HYAL4: variants seen among roughly 807,000 people sequenced by gnomAD.
The protein encoded by HYAL4 is hyaluronidase-4.
HYAL4 carries 37 observed loss-of-function variants against 35.2 expected under a neutral mutation model. The ratio of observed to expected loss-of-function variants is 1.05; its 90% CI spans 0.81 to 1.38. The LOEUF is 1.38. HYAL4 is among the 40% of genes most tolerant of loss of function. HYAL4 has a pLI of 0.00. For missense variants in HYAL4, 572 were observed against 572.4 expected, an observed-to-expected ratio of 1.00 and a Z score of 0.01; for synonymous variants, 198 against 203.2, an observed-to-expected ratio of 0.97 and a Z score of 0.22.
At chr7:123,874,528 G>T (rs186424325) in intron 3 of HYAL4, among the ~76,000 whole-genome samples, 2 of 151,988 alleles carry the variant, frequency 1.3e-5, no homozygotes, top group Non-Finnish European at 2.9e-5. Context: ...CTCAGCCTCC[G>T]AGTAGCTGGG....
chr7:123,774,173 C>T, the HYAL4 span, among the ~76,000 whole-genome samples: 217 of 152,222 alleles, frequency 1.4e-3, no homozygotes, highest in Non-Finnish European at 1.2e-3. Flanking sequence ...TTAGCTGAGA[C>T]TATAGGTATA....
chr7:123,807,383 A>G, the HYAL4 span, among the ~76,000 whole-genome samples: 1 of 150,832 alleles, frequency 6.6e-6, no homozygotes, highest in Non-Finnish European at 1.5e-5. Flanking sequence ...TAGAGTTCAA[A>G]CTTCCTTTTA....
chr7:123,796,067 A>G, the HYAL4 span, among the ~76,000 whole-genome samples: 496 of 152,376 alleles, frequency 3.3e-3, 3 homozygotes, highest in African/African-American at 0.012. Context: ...TTTGCAAACT[A>G]TATTGCAGGG....
At chr7:123,834,961 A>G (rs976623292) in intron 1 of HYAL4, among the ~76,000 whole-genome samples, 1 of 151,932 alleles carries the variant, frequency 6.6e-6, no homozygotes, top group African/African-American at 2.4e-5. Context: ...TCTTTTTGGT[A>G]TGTTGTTGGG....
At chr7:123,805,170 G>A in the HYAL4 span, among the ~76,000 whole-genome samples, 8 of 152,240 alleles carry the variant, frequency 5.3e-5, no homozygotes, top group East Asian at 5.8e-4. Flanking sequence ...AAGGCCTTGC[G>A]GAAGTTTTGA....
At chr7:123,829,606 G>A (rs10281735) in intron 1 of HYAL4, among the ~76,000 whole-genome samples, 17,224 of 152,082 alleles carry the variant, frequency 0.11, 1,110 homozygotes, top group Non-Finnish European at 0.14. Context: ...AATACTTGTG[G>A]GAAAATGAAC....
chr7:123,766,008 A>T, the HYAL4 span, among the ~76,000 whole-genome samples: 9 of 152,108 alleles, frequency 5.9e-5, no homozygotes, highest in African/African-American at 2.2e-4. Context: ...GCCTAACTTC[A>T]TATCTTTCTC....
At chr7:123,840,296 T>C (rs1391998634), upstream of HYAL4, among the ~76,000 whole-genome samples, 2 of 152,200 alleles carry the variant, frequency 1.3e-5, no homozygotes, top group Non-Finnish European at 2.9e-5. Context: ...CAGATGGGTA[T>C]AGATGTGTGG....
chr7:123,833,485 T>C (rs1313633015), intron 1 of HYAL4, among the ~76,000 whole-genome samples: 1 of 152,230 alleles, frequency 6.6e-6, no homozygotes, highest in Non-Finnish European at 1.5e-5. Flanking sequence ...ATTAGTCCTT[T>C]GTCTGATGTA....
chr7:123,818,959 C>G, the HYAL4 span, among the ~76,000 whole-genome samples: 3 of 152,160 alleles, frequency 2.0e-5, no homozygotes, highest in Non-Finnish European at 4.4e-5. Flanking sequence ...TATCCACTCT[C>G]TCAGCATTTT....
chr7:123,778,159 G>GTCTATCTATCTA, the HYAL4 span, among the ~76,000 whole-genome samples: 2,767 of 120,778 alleles, frequency 0.023, 30 homozygotes, highest in Admixed American at 0.024. Flanking sequence ...CTGTCTGTCT[G>GTCTATCTATCTA]TCTATCTATC....
the HYAL4 span, among the ~76,000 whole-genome samples, chr7:123,812,073 C>A: frequency 6.6e-6 from 1 of 152,114 alleles, no homozygotes; most frequent in African/African-American, 2.4e-5. Context: ...AACTCCTGAC[C>A]TCGTGATCTG....
the HYAL4 span, among the ~76,000 whole-genome samples, chr7:123,770,440 T>TAAAA: frequency 1.7e-5 from 2 of 118,506 alleles, no homozygotes; most frequent in African/African-American, 6.2e-5. Context: ...AGACTCCATC[T>TAAAA]AAAAAAAAAA....
the HYAL4 span, among the ~76,000 whole-genome samples, chr7:123,772,105 A>G: frequency 6.6e-6 from 1 of 152,146 alleles, no homozygotes; most frequent in African/African-American, 2.4e-5. Context: ...TCCAGCTTGC[A>G]GATGGCAGAT....
In HYAL4 at chr7:123,869,014, G is replaced by C; in HGVS notation, c.741G>C (p.Glu247Asp). The C allele has an allele frequency of 6.2e-7, 1 of 1,614,058 alleles. No homozygotes were observed. The highest frequency in any genetic ancestry group is 8.5e-7 in the Non-Finnish European group (1 of 1,179,920). Residue 247 changes from glutamate (E) to aspartate (D), a missense_variant, in exon 3 of 5, where the codon GAG becomes GAC. Transcript: ENST00000223026. ...CPEDEVLRNN[E>D]LSWLWNSSAA... is the part of the protein sequence containing the mutation. The stretch of plus-strand genomic sequence containing the variant: ...AAGACGAAGTCTTGAGGAACAATGA[G>C]CTCTCTTGGCTCTGGAACAGCAGTG...
At chr7:123,847,479 T>A (rs1806199000) in intron 1 of HYAL4, among the ~76,000 whole-genome samples, 1 of 152,150 alleles carries the variant, frequency 6.6e-6, no homozygotes, top group Admixed American at 6.5e-5. Context: ...TCTATTTTTT[T>A]AATAATACAT....
At chr7:123,872,740 T>C (rs779885850) in intron 3 of HYAL4, among the ~76,000 whole-genome samples, 4 of 152,194 alleles carry the variant, frequency 2.6e-5, no homozygotes, top group Non-Finnish European at 4.4e-5. Context: ...CCTAGCTGGG[T>C]AGTGCCCTTG....
upstream of HYAL4, among the ~76,000 whole-genome samples, chr7:123,843,095 G>A (rs545993780): frequency 2.0e-4 from 31 of 152,026 alleles, no homozygotes; most frequent in Admixed American, 1.5e-3. Flanking sequence ...TCATAGCATC[G>A]ATGGTCTTTA....
At chr7:123,807,093 C>T in the HYAL4 span, among the ~76,000 whole-genome samples, 1 of 152,136 alleles carries the variant, frequency 6.6e-6, no homozygotes, top group African/African-American at 2.4e-5. Flanking sequence ...AATTTCCCTG[C>T]TTATTTCTGA....
Sources: gnomAD v4.1 joint callset for allele counts (sites outside exome capture counted in the v4.1 genomes callset) on GRCh38, gnomAD v4.1.1 for gene constraint, MANE v1.5 for transcripts, NCBI Gene and HGNC (gene_info 2026-07-23, HGNC 2026-07-21) for gene names.